THSD4: variants seen among roughly 807,000 people sequenced by gnomAD.
The protein encoded by THSD4 is thrombospondin type-1 domain-containing protein 4.
In THSD4, 69 loss-of-function variants were observed where a neutral mutation model predicts 119.0. The observed-to-expected ratio is 0.58, with a 90% confidence interval of 0.48 to 0.71. The LOEUF (loss-of-function observed/expected upper bound fraction) is 0.71, where lower values mean the gene tolerates loss of function less well. THSD4 is among the 30% of genes least tolerant of loss of function. THSD4 has a pLI of 0.00. For synonymous variants in THSD4, 524 were observed against 540.4 expected, an observed-to-expected ratio of 0.97 and a Z score of 0.42; for missense variants, 1,393 against 1,391.1, an observed-to-expected ratio of 1.00 and a Z score of -0.02.
intron 6 of THSD4, among the ~76,000 whole-genome samples, chr15:71,382,744 A>C (rs1471087173): frequency 3.3e-5 from 5 of 152,178 alleles, no homozygotes; most frequent in Admixed American, 2.6e-4. Flanking sequence ...AAGGGAGATG[A>C]TACCATTTTA....
intron 6 of THSD4, among the ~76,000 whole-genome samples, chr15:71,384,546 A>G (rs1186747464): frequency 7.9e-5 from 12 of 152,252 alleles, no homozygotes; most frequent in Admixed American, 7.8e-4. Context: ...CCAAAAGGTT[A>G]GCAGATTCAA....
chr15:71,513,115 GAGACC>G (rs68010784), intron 7 of THSD4, among the ~76,000 whole-genome samples: 64,244 of 151,672 alleles, frequency 0.42, 16,386 homozygotes, highest in East Asian at 0.76. Flanking sequence ...AATCTCATGG[GAGACC>G]AGACATCCAC....
chr15:71,675,827 C>T (rs2051635360), intron 8 of THSD4, among the ~76,000 whole-genome samples: 1 of 152,160 alleles, frequency 6.6e-6, no homozygotes, highest in Non-Finnish European at 1.5e-5. Context: ...TGTTTATGAC[C>T]ATGGCCATTT....
intron 8 of THSD4, among the ~76,000 whole-genome samples, chr15:71,675,488 T>G (rs986739556): frequency 3.3e-5 from 5 of 152,300 alleles, no homozygotes; most frequent in African/African-American, 1.2e-4. Context: ...TGCTCAGTGG[T>G]GTGGATACAG....
chr15:71,532,283 A>AGAGAGAGAGAGAGAGAGAGTGTGTGTGT (rs1379506089), intron 7 of THSD4, among the ~76,000 whole-genome samples: 2 of 101,644 alleles, frequency 2.0e-5, no homozygotes, highest in East Asian at 3.2e-4. Flanking sequence ...AGAGAGAGAG[A>AGAGAGAGAGAGAGAGAGAGTGTGTGTGT]GTGTGTGTGT....
intron 7 of THSD4, among the ~76,000 whole-genome samples, chr15:71,531,980 C>T (rs1245524050): frequency 6.6e-6 from 1 of 152,318 alleles, no homozygotes; most frequent in South Asian, 2.1e-4. Flanking sequence ...TAAGCTTTTA[C>T]TGCAAGGTCA....
At chr15:71,649,871 C>A (rs1377085325) in intron 7 of THSD4, among the ~76,000 whole-genome samples, 1 of 152,128 alleles carries the variant, frequency 6.6e-6, no homozygotes, top group Non-Finnish European at 1.5e-5. Context: ...TCTTTCAGTT[C>A]TGTGATAGTT....
chr15:71,486,611 GTTTTTTT>G (rs200120589), intron 7 of THSD4, among the ~76,000 whole-genome samples: 99 of 131,748 alleles, frequency 7.5e-4, no homozygotes, highest in Middle Eastern at 8.1e-3. Context: ...TTTCTTTTCT[GTTTTTTT>G]TTTTTTTTTT....
rs192887163 is a variant in THSD4, at chr15:71,417,161, A to C, written c.1152+5338A>C. ...CCCTTGTCAGATGGGTAGTTTGCAA[A>C]TATTTTCTCCCATTCTGTGGGTTGT... On this transcript the variant is annotated intron_variant, in intron 7 of 17. Coordinates refer to ENST00000261862, the MANE Select transcript of THSD4 (RefSeq NM_024817.3). 7.6e-4 allele frequency among the ~76,000 whole-genome samples: 82 copies of C among 108,028 alleles called. 29 individuals carry two copies. The East Asian group carries it at 0.025, about 32-fold the overall frequency. 70.9% of individuals were successfully genotyped at this position (108,028 alleles called of 152,430 possible). A position where few individuals can be genotyped will look rare whatever the true frequency, so the allele number is the denominator to read the frequency against.
chr15:71,137,934 A>G (rs1005152220), intron 1 of THSD4, among the ~76,000 whole-genome samples: 1 of 152,196 alleles, frequency 6.6e-6, no homozygotes, highest in Admixed American at 6.5e-5. Context: ...AAAGGTTTTG[A>G]TAATTTCAGA....
intron 6 of THSD4, among the ~76,000 whole-genome samples, chr15:71,351,626 G>C (rs1411747357): frequency 2.0e-5 from 3 of 152,144 alleles, no homozygotes; most frequent in African/African-American, 7.2e-5. Context: ...CATCATCTGT[G>C]GCAAGGCTTA....
At chr15:71,372,158 G>A (rs552469568) in intron 6 of THSD4, among the ~76,000 whole-genome samples, 13 of 152,290 alleles carry the variant, frequency 8.5e-5, no homozygotes, top group African/African-American at 2.9e-4. Context: ...CTCTGCACTG[G>A]TTATTCTAGT....
chr15:71,439,401 C>A (rs933693851), intron 7 of THSD4, among the ~76,000 whole-genome samples: 44 of 152,170 alleles, frequency 2.9e-4, no homozygotes, highest in African/African-American at 1.0e-3. Flanking sequence ...AATAGGAACA[C>A]TTTTACACTG....
chr15:71,753,812 C>CT (rs1356916139), intron 14 of THSD4, among the ~76,000 whole-genome samples: 1 of 152,172 alleles, frequency 6.6e-6, no homozygotes, highest in Admixed American at 6.5e-5. Flanking sequence ...ACTTGTTGGG[C>CT]TTTTCACTGA....
chr15:71,344,200 G>A (rs912957352), intron 6 of THSD4, among the ~76,000 whole-genome samples: 6 of 152,024 alleles, frequency 3.9e-5, no homozygotes, highest in Non-Finnish European at 7.4e-5. Context: ...CACCACGCCC[G>A]ACTAAATTTT....
chr15:71,194,655 A>ATCCTACCAGTCCCATC (rs2043704340), intron 3 of THSD4, among the ~76,000 whole-genome samples: 1 of 152,070 alleles, frequency 6.6e-6, no homozygotes, highest in Non-Finnish European at 1.5e-5. Context: ...ATTCATTTAG[A>ATCCTACCAGTCCCATC]TCCTACCAGT....
At chr15:71,383,533 G>C (rs567686849) in intron 6 of THSD4, among the ~76,000 whole-genome samples, 1 of 152,178 alleles carries the variant, frequency 6.6e-6, no homozygotes, top group African/African-American at 2.4e-5. Flanking sequence ...CATTTTGAGA[G>C]TTTCAAATGA....
At chr15:71,370,956 G>T (rs938749451) in intron 6 of THSD4, among the ~76,000 whole-genome samples, 3 of 152,160 alleles carry the variant, frequency 2.0e-5, no homozygotes, top group Non-Finnish European at 2.9e-5. Context: ...TATGAATCTG[G>T]TTGCTCCTGT....
At chr15:71,619,300 A>G (rs114421165) in intron 7 of THSD4, among the ~76,000 whole-genome samples, 2,998 of 152,258 alleles carry the variant, frequency 0.02, 94 homozygotes, top group African/African-American at 0.065. Flanking sequence ...ATCTTTCTGC[A>G]TCTTTACATA....
Sources: allele counts gnomAD v4.1 joint callset (sites outside exome capture counted in the v4.1 genomes callset), GRCh38; gene constraint gnomAD v4.1.1; transcripts MANE v1.5; gene names NCBI Gene and HGNC (gene_info 2026-07-23, HGNC 2026-07-21).